The following SHPRH variants were observed in gnomAD, a reference collection of about 807,000 sequenced individuals.
SHPRH encodes the protein E3 ubiquitin-protein ligase SHPRH.
A neutral mutation model predicts 202.5 loss-of-function variants in SHPRH; 106 were observed. The observed-to-expected ratio is 0.52, with a 90% CI of 0.45 to 0.62. The LOEUF is 0.62. Ranked by LOEUF, SHPRH falls within the 20% of genes least tolerant of loss-of-function variation. The probability of loss-of-function intolerance (pLI) is 0.00; values close to 1 mark genes in which losing one functional copy is unlikely to be tolerated. For missense variants in SHPRH, 1,710 were observed against 2,020.0 expected, an observed-to-expected ratio of 0.85 and a Z score of 2.94; for synonymous variants, 729 against 686.0, an observed-to-expected ratio of 1.06 and a Z score of -0.98.
chr6:145,906,630 T>C (rs1782983857), intron 25 of SHPRH: 2 of 152,110 alleles, frequency 1.3e-5, no homozygotes, highest in African/African-American at 2.4e-5. Flanking sequence ...TCTTTTGTCT[T>C]AAACAGAACA....
chr6:145,894,029 A>G, intron 27 of SHPRH, 121 bp downstream of exon 27: 1 of 583,460 alleles, frequency 1.7e-6, no homozygotes. Flanking sequence ...TTAATCAAGA[A>G]CTCAGACCCT....
intron 28 of SHPRH, among the ~76,000 whole-genome samples, chr6:145,891,233 G>T (rs1223775528): frequency 2.0e-5 from 3 of 152,042 alleles, no homozygotes; most frequent in Non-Finnish European, 2.9e-5. Context: ...CTCCCTTTTA[G>T]CAACTGTAGC....
chr6:145,944,819 A>C (rs1005276324), intron 8 of SHPRH, among the ~76,000 whole-genome samples: 3 of 152,148 alleles, frequency 2.0e-5, no homozygotes, highest in Non-Finnish European at 4.4e-5. Context: ...AAATTGTATA[A>C]GATAATAATA....
chr6:145,907,010 T>G (rs1012160130), intron 25 of SHPRH: 1 of 152,144 alleles, frequency 6.6e-6, no homozygotes, highest in Non-Finnish European at 1.5e-5. Flanking sequence ...TTTAAAGTTA[T>G]GGACTTCATA....
intron 22 of SHPRH, 184 bp downstream of exon 22, chr6:145,919,164 G>C: frequency 1.4e-6 from 1 of 702,872 alleles, no homozygotes; most frequent in South Asian, 2.0e-5. Context: ...TAATAGATAT[G>C]AAATTGCTCA....
At chr6:145,922,571 A>G in intron 19 of SHPRH, 92 bp downstream of exon 19, 1 of 1,439,798 alleles carries the variant, frequency 6.9e-7, no homozygotes, top group Non-Finnish European at 9.3e-7. Flanking sequence ...AAATGAAAAA[A>G]CCTTTACTAT....
At chr6:145,888,669 T>C (rs1192925152) in intron 28 of SHPRH, among the ~76,000 whole-genome samples, 4 of 152,134 alleles carry the variant, frequency 2.6e-5, no homozygotes, top group Non-Finnish European at 5.9e-5. Context: ...TATGCATGAT[T>C]TGATGTATAC....
downstream of SHPRH, among the ~76,000 whole-genome samples, chr6:145,862,174 AAAG>A (rs201692295): frequency 4.1e-3 from 631 of 152,312 alleles, 17 homozygotes; most frequent in East Asian, 0.071. Context: ...CTCTTACCAA[AAAG>A]AAGGCCGGGC....
Position 145,885,343 on chromosome 6 carries a change from A to G in SHPRH, c.*1348T>C, listed in dbSNP as rs1259174789. 6.6e-6 allele frequency: 1 copy of G among 152,588 alleles called. No individual in the cohort carries two copies. Among genetic ancestry groups the G allele is most frequent in the African/African-American group, 2.4e-5 (1 of 41,450 alleles). 9.5% of individuals were successfully genotyped at this position (152,588 alleles called of 1,614,324 possible). On this transcript the variant is annotated 3_prime_UTR_variant, in exon 30 of 30. Transcript: ENST00000275233. ...TAACTGAAGAATAAGCACCAAAAGC[A>G]TGTGTGTGTTTTCTTCAGTTGAATT...
intron 17 of SHPRH, 23 bp from the exon 18 acceptor site, chr6:145,923,808 T>C (rs577145864): frequency 1.2e-6 from 2 of 1,602,968 alleles, no homozygotes; most frequent in African/African-American, 1.3e-5. Context: ...TAGCAGTTAA[T>C]CAATTAATAC....
intron 1 of SHPRH, among the ~76,000 whole-genome samples, chr6:145,959,484 G>C (rs1198037251): frequency 2.7e-5 from 4 of 147,500 alleles, no homozygotes; most frequent in Non-Finnish European, 6.0e-5. Flanking sequence ...GTAGGCTGGC[G>C]GTACCACCTA....
Position 145,939,331 on chromosome 6 carries a change from CA to C in SHPRH, c.2569+1391del, listed in dbSNP as rs1786483918. On this transcript the variant is annotated intron_variant, in intron 11 of 29. Transcript: ENST00000275233. ...TATATTCATGGCTACAAATACATGT[CA>C]AAACTTTTCAAATGTGGTATTTTAA... Among the ~76,000 whole-genome samples the C allele has an allele frequency of 2.0e-5, 3 of 152,186 alleles. No homozygotes were observed. In the South Asian group the frequency reaches 6.2e-4, roughly 32 times the overall value.
downstream of SHPRH, chr6:145,883,277 G>T (rs1289922103): frequency 2.6e-5 from 4 of 152,178 alleles, no homozygotes; most frequent in Non-Finnish European, 4.4e-5. Flanking sequence ...TCAGTATTGA[G>T]AGTCACTGAC....
chr6:145,913,513 G>A lies in SHPRH; in HGVS notation c.4291C>T (p.Pro1431Ser). ...DKTSGGVNPE[P>S]CPICARQLGK... ...AGCTGTCGAGCACAGATTGGGCAAG[G>A]TTCTGGATTAACACCTCCCGATGTT... Residue 1431 changes from proline to serine, a missense_variant, in exon 24 of 30, where the codon CCT becomes TCT. This residue lies in a region of SHPRH where 306 missense variants were observed against 479.5 expected (regional missense o/e 0.64). Transcript: ENST00000275233. 1 of 1,609,562 alleles carries A rather than the reference G, an allele frequency of 6.2e-7. No individual in the cohort carries two copies.
At chr6:145,953,747 C>G (rs548715518) in intron 2 of SHPRH, among the ~76,000 whole-genome samples, 4 of 152,128 alleles carry the variant, frequency 2.6e-5, no homozygotes, top group African/African-American at 7.2e-5. Context: ...ATTTTCAACA[C>G]AATTCTATGC....
chr6:145,948,746 T>C (rs529460751), intron 4 of SHPRH, among the ~76,000 whole-genome samples: 72 of 152,190 alleles, frequency 4.7e-4, no homozygotes, highest in African/African-American at 1.7e-3. Flanking sequence ...AATAGACATA[T>C]GCTAGGTGGC....
chr6:145,927,395 T>C (rs907394949), intron 14 of SHPRH, 118 bp from the exon 15 acceptor site: 3 of 936,358 alleles, frequency 3.2e-6, no homozygotes, highest in East Asian at 2.7e-5. Flanking sequence ...TATAACTTTT[T>C]TTAAGTAAAG....
At chr6:145,861,851 C>T (rs1299999814), downstream of SHPRH, among the ~76,000 whole-genome samples, 2 of 152,136 alleles carry the variant, frequency 1.3e-5, no homozygotes, top group African/African-American at 4.8e-5. Context: ...ATTCTCCTAT[C>T]TGTGATAATA....
chr6:145,906,507 CTT>C (rs1206454518), intron 25 of SHPRH: 1 of 152,090 alleles, frequency 6.6e-6, no homozygotes, highest in East Asian at 1.9e-4. Context: ...TGAAACTCTA[CTT>C]TCTATACATC....
Sources: gnomAD v4.1 joint callset for allele counts (sites outside exome capture counted in the v4.1 genomes callset) on GRCh38, gnomAD v4.1.1 for gene constraint, gnomAD v4.1.1 regional missense constraint, MANE v1.5 for transcripts, NCBI Gene and HGNC (gene_info 2026-07-23, HGNC 2026-07-21) for gene names.